TERF2: variants seen among roughly 807,000 people sequenced by gnomAD.
The protein encoded by TERF2 is telomeric repeat-binding factor 2.
A neutral mutation model predicts 56.1 loss-of-function variants in TERF2; 16 were observed. The observed-to-expected ratio is 0.29, with a 90% CI of 0.19 to 0.43. TERF2 has a LOEUF of 0.43. Ranked by LOEUF, TERF2 falls within the 20% of genes least tolerant of loss-of-function variation. TERF2 has a pLI of 1.00. For synonymous variants in TERF2, 296 were observed against 282.1 expected, an observed-to-expected ratio of 1.05 and a Z score of -0.50; for missense variants, 547 against 712.9, an observed-to-expected ratio of 0.77 and a Z score of 2.65.
chr16:69,360,043 A>C (rs962228151), intron 8 of TERF2, among the ~76,000 whole-genome samples: 1 of 151,670 alleles, frequency 6.6e-6, no homozygotes, highest in Non-Finnish European at 1.5e-5. Flanking sequence ...GATTACAGGC[A>C]TGAGCCACTA....
chr16:69,360,458 C>G, intron 8 of TERF2, among the ~76,000 whole-genome samples: 1 of 151,356 alleles, frequency 6.6e-6, no homozygotes, highest in Non-Finnish European at 1.5e-5. Context: ...AGTCCCAGCA[C>G]TTTGAGAGGA....
chr16:69,369,704 T>C lies in TERF2; in HGVS notation c.840+779A>G, dbSNP rs538705252. Among the ~76,000 whole-genome samples, 198 of 152,364 alleles carry C rather than the reference T, an allele frequency of 1.3e-3. 1 individual carries two copies. Among genetic ancestry groups the C allele is most frequent in the Admixed American group, 3.1e-3 (48 of 15,304 alleles). ...GGTCTAGTTCTTCCCTATGCTGTCCTGAGCCTCACTGCTTCCATTCTTTTA... is the reference window on the plus strand; with the variant it reads ...GGTCTAGTTCTTCCCTATGCTGTCCCGAGCCTCACTGCTTCCATTCTTTTA... On this transcript the variant is annotated intron_variant, in intron 5 of 9. Coordinates refer to ENST00000254942, the MANE Select transcript of TERF2 (RefSeq NM_005652.5).
At chr16:69,363,582 G>A (rs893913856) in intron 7 of TERF2, among the ~76,000 whole-genome samples, 1 of 152,174 alleles carries the variant, frequency 6.6e-6, no homozygotes, top group African/African-American at 2.4e-5. Context: ...TCTAGCAAGT[G>A]TTGGCAAGCT....
intron 5 of TERF2, among the ~76,000 whole-genome samples, chr16:69,369,052 A>G (rs1051389755): frequency 9.3e-5 from 8 of 86,474 alleles, no homozygotes; most frequent in African/African-American, 1.7e-4. Context: ...TTGCCTTATT[A>G]ACAACTGTTT....
At chr16:69,372,991 C>T (rs1355113935) in intron 3 of TERF2, among the ~76,000 whole-genome samples, 1 of 151,994 alleles carries the variant, frequency 6.6e-6, no homozygotes, top group African/African-American at 2.4e-5. Context: ...TTTCAGGTCC[C>T]CAGAACAATT....
chr16:69,368,955 C>T (rs1204300404), intron 5 of TERF2, among the ~76,000 whole-genome samples: 1 of 152,138 alleles, frequency 6.6e-6, no homozygotes, highest in Non-Finnish European at 1.5e-5. Context: ...GGATTACAGG[C>T]ATGAGCCACC....
chr16:69,376,479 A>G (rs1262894946), intron 3 of TERF2, among the ~76,000 whole-genome samples: 1 of 152,156 alleles, frequency 6.6e-6, no homozygotes, highest in Non-Finnish European at 1.5e-5. Context: ...TTCTTTCAAT[A>G]TAACACTTTT....
chr16:69,361,369 C>A, intron 8 of TERF2, 35 bp downstream of exon 8: 1 of 1,438,650 alleles, frequency 7.0e-7, no homozygotes, highest in Admixed American at 1.7e-5. Context: ...CTTCAGCAAG[C>A]ATCAAGAAGA....
Position 69,356,644 on chromosome 16 carries a change from C to G in TERF2, c.*254G>C. On this transcript the variant is annotated 3_prime_UTR_variant, in exon 10 of 10. Coordinates refer to ENST00000254942, the MANE Select transcript of TERF2 (RefSeq NM_005652.5). Reference sequence around the variant, plus strand: ...TGAAACCCCGTCTCTACTAAAAATACAAAACATTAGCCGGGCGTGATGGCG... The same window carrying G: ...TGAAACCCCGTCTCTACTAAAAATAGAAAACATTAGCCGGGCGTGATGGCG... The G allele has an allele frequency of 2.9e-6, 1 of 342,324 alleles. No homozygotes were observed. Among genetic ancestry groups the G allele is most frequent in the East Asian group, 6.0e-5 (1 of 16,658 alleles). 21.2% of individuals were successfully genotyped at this position (342,324 alleles called of 1,614,324 possible).
chr16:69,361,238 GAA>G (rs375985765), intron 8 of TERF2, 164 bp downstream of exon 8: 545 of 535,366 alleles, frequency 1.0e-3, no homozygotes, highest in Middle Eastern at 1.3e-3. Flanking sequence ...TCTGAAAAAG[GAA>G]AAAAAAAAAA....
intron 8 of TERF2, among the ~76,000 whole-genome samples, chr16:69,360,534 G>T (rs147244363): frequency 0.042 from 6,300 of 151,568 alleles, 447 homozygotes; most frequent in African/African-American, 0.14. Context: ...TGAAACCCTG[G>T]CTCTACTAAA....
intron 3 of TERF2, among the ~76,000 whole-genome samples, chr16:69,379,244 G>A (rs572099488): frequency 3.0e-4 from 46 of 152,326 alleles, no homozygotes; most frequent in African/African-American, 1.1e-3. Context: ...AAGCAAGGCT[G>A]TTCTGGGAAG....
At chr16:69,368,533 AT>A (rs762529017) in intron 5 of TERF2, 51 bp from the exon 6 acceptor site, 11 of 1,607,634 alleles carry the variant, frequency 6.8e-6, no homozygotes, top group Non-Finnish European at 6.8e-6. Flanking sequence ...AATTGCATTA[AT>A]TCTCTGCTTC....
chr16:69,371,602 C>G (rs1351090279), intron 4 of TERF2, among the ~76,000 whole-genome samples: 1 of 151,486 alleles, frequency 6.6e-6, no homozygotes, highest in African/African-American at 2.4e-5. Flanking sequence ...ATCACTTGAG[C>G]CCAGGAGTTC....
intron 5 of TERF2, 188 bp downstream of exon 5, chr16:69,370,295 T>C (rs2013517523): frequency 1.3e-6 from 1 of 743,356 alleles, no homozygotes. Flanking sequence ...CCTCCCAAAG[T>C]GCTGGGATTA....
At chr16:69,384,182 C>T (rs1322176088) in intron 3 of TERF2, among the ~76,000 whole-genome samples, 1 of 152,198 alleles carries the variant, frequency 6.6e-6, no homozygotes, top group African/African-American at 2.4e-5. Context: ...TTTCTGCAGA[C>T]AGAAAGAACT....
At position 69,385,433 on chromosome 16, in the gene TERF2, C is replaced by T. The variant is rs1236887794; in HGVS notation, c.433G>A (p.Val145Ile). ...KEHTVSRLLR[V>I]MQCLSRIEEG... ...TCAATCCGCGACAGACACTGCATAA[C>T]CCGCAGCAATCGGGACACGGTGTGC... Residue 145 changes from valine (V) to isoleucine (I), a missense_variant, in exon 2 of 10, where the codon GTT becomes ATT. Transcript: ENST00000254942. The T allele has an allele frequency of 2.5e-6, 4 of 1,614,162 alleles. No homozygotes were observed. The Admixed American group carries it at 5.0e-5, about 20-fold the overall frequency.
chr16:69,384,159 C>A (rs763520250), intron 3 of TERF2, among the ~76,000 whole-genome samples: 1 of 152,218 alleles, frequency 6.6e-6, no homozygotes, highest in Non-Finnish European at 1.5e-5. Context: ...AAGGGATATT[C>A]TCTAAGCCCC....
Position 69,356,128 on chromosome 16 carries a change from C to A in TERF2, c.*770G>T. The A allele has an allele frequency of 4.5e-6, 2 of 440,974 alleles. No individual in the cohort carries two copies. Among genetic ancestry groups the A allele is most frequent in the East Asian group, 1.4e-4 (2 of 14,328 alleles). 27.3% of individuals were successfully genotyped at this position (440,974 alleles called of 1,614,324 possible). ...GACTGGTCTGTCATCAACCTGGGTT[C>A]ATAACAGACTAAGTTCCTTTGCATT... On this transcript the variant is annotated 3_prime_UTR_variant, in exon 10 of 10. Transcript: ENST00000254942.
Sources: gnomAD v4.1 joint callset for allele counts (sites outside exome capture counted in the v4.1 genomes callset) on GRCh38, gnomAD v4.1.1 for gene constraint, MANE v1.5 for transcripts, NCBI Gene and HGNC (gene_info 2026-07-23, HGNC 2026-07-21) for gene names.